Variants in DPYSL3 observed in about 807,000 individuals in gnomAD.
The protein encoded by DPYSL3 is dihydropyrimidinase like 3.
DPYSL3 carries 16 observed loss-of-function variants against 66.1 expected under a neutral mutation model. The ratio of observed to expected loss-of-function variants is 0.24; its 90% CI spans 0.16 to 0.37. The LOEUF is 0.37. Among genes scored for constraint, DPYSL3 ranks in the 10% least tolerant of loss-of-function variants. The pLI is 1.00. For synonymous variants in DPYSL3, 338 were observed against 345.1 expected (o/e 0.98, Z 0.23); for missense variants, 738 against 916.2 (o/e 0.81, Z 2.51).
chr5:147,400,549 C>T, intron 10 of DPYSL3, 143 bp downstream of exon 10: 3 of 1,139,378 alleles, frequency 2.6e-6, no homozygotes, highest in South Asian at 1.8e-5. Flanking sequence ...ACTGCCAGAG[C>T]CACATGGTTC....
intron 1 of DPYSL3, among the ~76,000 whole-genome samples, chr5:147,463,248 G>C (rs1056076699): frequency 1.3e-5 from 2 of 152,160 alleles, no homozygotes; most frequent in Non-Finnish European, 2.9e-5. Context: ...TTGGTGAGTA[G>C]AGCAAGCTGA....
At chr5:147,449,458 G>T (rs1752686503) in intron 1 of DPYSL3, among the ~76,000 whole-genome samples, 1 of 152,208 alleles carries the variant, frequency 6.6e-6, no homozygotes, top group East Asian at 1.9e-4. Flanking sequence ...AATGTTTACA[G>T]AAATCCAATC....
intron 1 of DPYSL3, among the ~76,000 whole-genome samples, chr5:147,465,524 C>G (rs916044060): frequency 2.0e-5 from 3 of 152,018 alleles, no homozygotes; most frequent in African/African-American, 7.3e-5. Context: ...GGTCTCAAGC[C>G]CCTGACCTCA....
chr5:147,477,607 G>T (rs1307098878), intron 1 of DPYSL3, among the ~76,000 whole-genome samples: 2 of 106,412 alleles, frequency 1.9e-5, no homozygotes, highest in African/African-American at 3.7e-5. Flanking sequence ...ACGGAGTCTC[G>T]CTCTGTCGCC....
intron 1 of DPYSL3, among the ~76,000 whole-genome samples, chr5:147,475,057 A>C (rs1249604280): frequency 6.6e-6 from 1 of 152,208 alleles, no homozygotes; most frequent in East Asian, 1.9e-4. Flanking sequence ...CCAAAAGACT[A>C]AACATGCAGT....
At chr5:147,458,655 G>A (rs868325056) in intron 1 of DPYSL3, among the ~76,000 whole-genome samples, 5 of 152,110 alleles carry the variant, frequency 3.3e-5, no homozygotes, top group Admixed American at 2.0e-4. Context: ...CCCTTCAAAC[G>A]GTGACCATAA....
intron 8 of DPYSL3, among the ~76,000 whole-genome samples, chr5:147,403,593 G>A (rs1758252567): frequency 6.6e-6 from 1 of 152,162 alleles, no homozygotes; most frequent in African/African-American, 2.4e-5. Flanking sequence ...AGGGCACATA[G>A]CTGTTCCTCA....
At chr5:147,443,543 G>A (rs537047454) in intron 1 of DPYSL3, among the ~76,000 whole-genome samples, 15 of 151,856 alleles carry the variant, frequency 9.9e-5, no homozygotes, top group Non-Finnish European at 1.6e-4. Context: ...CAACCACCAC[G>A]GCACATGTAT....
At chr5:147,450,768 T>C (rs1248715423) in intron 1 of DPYSL3, among the ~76,000 whole-genome samples, 4 of 152,122 alleles carry the variant, frequency 2.6e-5, no homozygotes, top group Admixed American at 1.3e-4. Flanking sequence ...AGAAAGTAGT[T>C]CCCAGGAAGG....
intron 1 of DPYSL3, among the ~76,000 whole-genome samples, chr5:147,428,132 T>C (rs1301168006): frequency 1.3e-5 from 2 of 152,192 alleles, no homozygotes; most frequent in Non-Finnish European, 2.9e-5. Flanking sequence ...ACTTTTCAAA[T>C]AGTAATTAAA....
intron 1 of DPYSL3, among the ~76,000 whole-genome samples, chr5:147,508,230 T>G (rs1753708361): frequency 2.0e-5 from 3 of 152,186 alleles, no homozygotes; most frequent in Admixed American, 2.0e-4. Flanking sequence ...TCAGCACTTA[T>G]TTTCCCTGGT....
intron 1 of DPYSL3, among the ~76,000 whole-genome samples, chr5:147,463,507 G>T (rs1752965188): frequency 1.3e-5 from 2 of 152,106 alleles, no homozygotes; most frequent in African/African-American, 4.8e-5. Context: ...TAAGGGAATG[G>T]GCATGAAGAG....
At chr5:147,455,421 G>A (rs1386254456) in intron 1 of DPYSL3, among the ~76,000 whole-genome samples, 2 of 152,180 alleles carry the variant, frequency 1.3e-5, no homozygotes, top group Non-Finnish European at 1.5e-5. Flanking sequence ...TGAATGCCAA[G>A]CAAAGATCAC....
At chr5:147,415,585 C>A in intron 4 of DPYSL3, 124 bp downstream of exon 4, 2 of 1,130,382 alleles carry the variant, frequency 1.8e-6, no homozygotes, top group Non-Finnish European at 2.6e-6. Context: ...ATCCCTACAT[C>A]CAGTGCTCAC....
In DPYSL3 at chr5:147,401,663, C is replaced by A; in HGVS notation, c.1187G>T (p.Ser396Ile). 6.2e-7 allele frequency: 1 copy of A among 1,614,152 alleles called. No homozygotes were observed. Among genetic ancestry groups the A allele is most frequent in the Non-Finnish European group, 8.5e-7 (1 of 1,180,026 alleles). Residue 396 changes from serine (S) to isoleucine (I), a missense_variant, in exon 9 of 14, where the codon AGC becomes ATC. By Grantham distance (142) the Ser-to-Ile change is moderately radical. Coordinates refer to ENST00000343218, the MANE Select transcript of DPYSL3 (RefSeq NM_001197294.2). ...ATAATGGGTTCCATCTATGCCGAGG[C>A]TGGCAGTGATGGGCTCACCAAAGAC... ...NVVFGEPITA[S>I]LGIDGTHYWS...
intron 1 of DPYSL3, among the ~76,000 whole-genome samples, chr5:147,433,672 A>T (rs775911465): frequency 1.5e-4 from 23 of 152,204 alleles, no homozygotes; most frequent in Non-Finnish European, 2.8e-4. Flanking sequence ...TCTGTAAAGT[A>T]TAGATAATAA....
chr5:147,505,359 C>T (rs1753672919), intron 1 of DPYSL3, among the ~76,000 whole-genome samples: 2 of 152,056 alleles, frequency 1.3e-5, no homozygotes, highest in Non-Finnish European at 2.9e-5. Flanking sequence ...CTCAGCCTCC[C>T]AAGTAGCTAG....
chr5:147,453,785 C>T (rs1371576125), intron 1 of DPYSL3: 2 of 1,260,696 alleles, frequency 1.6e-6, no homozygotes, highest in South Asian at 5.0e-5. Flanking sequence ...TCTCCCCGGT[C>T]CCCCTTTCAC....
At chr5:147,411,434 T>C (rs752174893) in intron 6 of DPYSL3, among the ~76,000 whole-genome samples, 71 of 152,142 alleles carry the variant, frequency 4.7e-4, no homozygotes, top group Non-Finnish European at 5.4e-4. Flanking sequence ...CATCTCTGAG[T>C]AAAGATACCC....
Sources: gnomAD v4.1 joint callset for allele counts (sites outside exome capture counted in the v4.1 genomes callset) on GRCh38, gnomAD v4.1.1 for gene constraint, MANE v1.5 for transcripts, NCBI Gene and HGNC (gene_info 2026-07-23, HGNC 2026-07-21) for gene names.